The following MYH9 variants were observed in gnomAD, a reference collection of about 807,000 sequenced individuals.
The protein encoded by MYH9 is myosin-9.
MYH9 carries 29 observed loss-of-function variants against 241.9 expected under a neutral mutation model. The ratio of observed to expected loss-of-function variants is 0.12; its 90% CI spans 0.09 to 0.16. The LOEUF (loss-of-function observed/expected upper bound fraction) is 0.16, where lower values mean the gene tolerates loss of function less well. MYH9 is among the 10% of genes least tolerant of loss of function. MYH9 has a pLI of 1.00. For synonymous variants in MYH9, 1,047 were observed against 1,062.6 expected (o/e 0.99, Z 0.29); for missense variants, 1,803 against 2,595.5 (o/e 0.69, Z 6.63).
intron 27 of MYH9, 23 bp downstream of exon 27, chr22:36,294,909 G>A (rs1277503727): frequency 1.2e-6 from 2 of 1,609,424 alleles, no homozygotes; most frequent in Admixed American, 3.3e-5. Flanking sequence ...CCCTCCCCCT[G>A]CGGTCTCAGG....
In MYH9 at chr22:36,332,025, C is replaced by T. The variant is rs1198375942; in HGVS notation, c.491-4537G>A. Among the ~76,000 whole-genome samples, 9 of 152,274 alleles carry T rather than the reference C, an allele frequency of 5.9e-5. No individual in the cohort carries two copies. In the East Asian group the frequency reaches 1.7e-3, roughly 29 times the overall value. On this transcript the variant is annotated intron_variant, in intron 3 of 40. Coordinates refer to ENST00000216181, the MANE Select transcript of MYH9 (RefSeq NM_002473.6). ...TTGCTATATGTGTTGGCACTGTGAG[C>T]CCTGCCCTGCGTTGCCAGGATGGCT... is the stretch of plus-strand genomic sequence containing the variant.
In MYH9 at chr22:36,284,124, G is replaced by A; in HGVS notation, c.5734C>T (p.Arg1912Cys). 6.2e-7 allele frequency: 1 copy of A among 1,614,196 alleles called. No individual in the cohort carries two copies. The highest frequency in any genetic ancestry group is 8.5e-7 in the Non-Finnish European group (1 of 1,180,024). The change falls in exon 40 of 41, where the codon CGC becomes TGC. Residue 1912 changes from arginine to cysteine, a missense_variant. By Grantham distance (180) the Arg-to-Cys change is radical. Transcript: ENST00000216181. ...DATETADAMN[R>C]EVSSLKNKLR... is the part of the protein sequence containing the mutation. ...TTGTTCTTTAGGGAGCTGACTTCGC[G>A]GTTCATGGCATCGGCCGTCTCAGTG...
At chr22:36,282,826 C>G in intron 40 of MYH9, 41 bp from the exon 41 acceptor site, 3 of 1,561,418 alleles carry the variant, frequency 1.9e-6, no homozygotes, top group Non-Finnish European at 1.7e-6. Context: ...CGGGCCCGGC[C>G]AGGCCAGGGG....
At position 36,286,808 on chromosome 22, in the gene MYH9, G is replaced by A; in HGVS notation, c.4971C>T (p.Thr1657=). The change falls in exon 35 of 41, where the codon ACC becomes ACT. Residue 1657 remains threonine, a synonymous_variant. Coordinates refer to ENST00000216181, the MANE Select transcript of MYH9 (RefSeq NM_002473.6). ...MKDCMRELDD[T]RASREEILAQ... ...CCAGGATCTCCTCACGAGAGGCGCG[G>A]GTGTCATCCAGCTCGCGCATGCAGT... The A allele has an allele frequency of 6.2e-7, 1 of 1,611,696 alleles. No individual in the cohort carries two copies. The highest frequency in any genetic ancestry group is 2.2e-5 in the East Asian group (1 of 44,882).
Position 36,293,543 on chromosome 22 carries a change from C to A in MYH9, c.3943-62G>T. The A allele has an allele frequency of 1.3e-6, 2 of 1,599,790 alleles. No homozygotes were observed. The highest frequency in any genetic ancestry group is 1.7e-6 in the Non-Finnish European group (2 of 1,174,318). On this transcript the variant is annotated intron_variant, in intron 29 of 40. Transcript: ENST00000216181. This position sits in a 1 kb window ranked among gnomAD's most constrained non-coding sequence, Gnocchi z 5.1. ...GGGTGGTGTCCAAAACCCAGGAACC[C>A]CACACCCTTGAGGAGAGGGAGGAGC...
chr22:36,367,615 C>T (rs567134995), intron 1 of MYH9, among the ~76,000 whole-genome samples: 90 of 152,346 alleles, frequency 5.9e-4, no homozygotes, highest in Non-Finnish European at 1.1e-3. Flanking sequence ...TGGCCAACCC[C>T]AGTGTCCTTG....
intron 3 of MYH9, among the ~76,000 whole-genome samples, chr22:36,332,105 A>G (rs754051449): frequency 6.6e-6 from 1 of 151,798 alleles, no homozygotes; most frequent in Non-Finnish European, 1.5e-5. Context: ...AACCTCACGC[A>G]CCCCAGGACT....
Position 36,282,753 on chromosome 22 carries a change from C to A in MYH9, c.5798G>T (p.Arg1933Leu). 6.2e-7 allele frequency: 1 copy of A among 1,613,120 alleles called. No homozygotes were observed. The highest frequency in any genetic ancestry group is 8.5e-7 in the Non-Finnish European group (1 of 1,179,964). The change falls in exon 41 of 41, where the codon CGA becomes CTA. Residue 1933 changes from arginine (R) to leucine (L), a missense_variant. Physicochemically the swap from Arg to Leu is moderately radical, Grantham distance 102. Transcript: ENST00000216181. ...ATCCCCGGCGCCTTTCCGGGCCATT[C>A]GGCGGGGCACGACAAACGGCAGGTC... ...RGDLPFVVPRRMARKGAGDGS... is the reference protein window; with the variant it reads ...RGDLPFVVPRLMARKGAGDGS...
Position 36,295,057 on chromosome 22 carries a change from C to T in MYH9, c.3505G>A (p.Val1169Met). ...QELRSKREQE[V>M]NILKKTLEEE... ...TCCAGGGTCTTCTTCAGGATGTTCA[C>T]CTCCTGCTCACGTTTTGACCTGGAC... is the stretch of plus-strand genomic sequence containing the variant. Residue 1169 changes from valine (V) to methionine (M), a missense_variant, in exon 27 of 41, where the codon GTG (valine) becomes ATG (methionine). Physicochemically the swap from Val to Met is conservative, Grantham distance 21. Around this residue, in one of 11 missense-constraint regions of MYH9, gnomAD observed 876 missense variants for 1,077.8 expected, o/e 0.81. Coordinates refer to ENST00000216181, the MANE Select transcript of MYH9 (RefSeq NM_002473.6). The surrounding 1 kb of genome is among the most constrained non-coding windows in gnomAD (Gnocchi z 4.1). 1.2e-6 allele frequency: 2 copies of T among 1,614,174 alleles called. No homozygotes were observed. The highest frequency in any genetic ancestry group is 2.2e-5 in the East Asian group (1 of 44,872).
At chr22:36,303,390 G>T (rs2016915857) in intron 19 of MYH9, among the ~76,000 whole-genome samples, 1 of 151,700 alleles carries the variant, frequency 6.6e-6, no homozygotes, top group Non-Finnish European at 1.5e-5. Context: ...TCCCCACAAG[G>T]GTCACACGGT....
chr22:36,385,695 G>A lies in MYH9; in HGVS notation c.-20+2112C>T, dbSNP rs144192293. Among the ~76,000 whole-genome samples, 19 of 152,286 alleles carry A rather than the reference G, an allele frequency of 1.2e-4. No individual in the cohort carries two copies. In the East Asian group the frequency reaches 2.3e-3, roughly 19 times the overall value. On this transcript the variant is annotated intron_variant, in intron 1 of 40. Transcript: ENST00000216181. ...GAGCTCCCCAGAGCCTGCCAATGCC[G>A]GCTCTCCAGACACCTGGCTCTGCCC...
chr22:36,331,737 C>T (rs1457157805), intron 3 of MYH9, among the ~76,000 whole-genome samples: 3 of 152,238 alleles, frequency 2.0e-5, no homozygotes, highest in Admixed American at 6.5e-5. Context: ...TCACACCTCC[C>T]GAGGTTCCAG....
At chr22:36,315,574 C>T (rs1402614326) in intron 12 of MYH9, among the ~76,000 whole-genome samples, 2 of 152,026 alleles carry the variant, frequency 1.3e-5, no homozygotes, top group South Asian at 4.1e-4. Context: ...ATGGCAAAAC[C>T]CCATCCGTAC....
rs561901816 is a variant in MYH9 at position 36,374,753 on chromosome 22, C to A, written c.-20+13054G>T. 4.6e-5 allele frequency among the ~76,000 whole-genome samples: 7 copies of A among 152,170 alleles called. No homozygotes were observed. In the South Asian group the frequency reaches 1.4e-3, roughly 31 times the overall value. On this transcript the variant is annotated intron_variant, in intron 1 of 40. Coordinates refer to ENST00000216181, the MANE Select transcript of MYH9 (RefSeq NM_002473.6). ...GGCAAGGAAACAAGCCTTCACGGGC[C>A]GTCTTGGCCTATGCAGAGGCTGGGT...
intron 18 of MYH9, 132 bp downstream of exon 18, chr22:36,304,901 G>A (rs968364684): frequency 2.5e-5 from 23 of 906,692 alleles, no homozygotes; most frequent in South Asian, 1.2e-4. Flanking sequence ...AGAGTCAGAC[G>A]CGGAGCATCA....
At chr22:36,299,371 G>A (rs2016838663) in intron 23 of MYH9, among the ~76,000 whole-genome samples, 1 of 152,190 alleles carries the variant, frequency 6.6e-6, no homozygotes, top group Non-Finnish European at 1.5e-5. Flanking sequence ...CTGCCACACG[G>A]CGCTCACCTG....
At chr22:36,332,684 A>AC (rs2017443049) in intron 3 of MYH9, among the ~76,000 whole-genome samples, 2 of 151,132 alleles carry the variant, frequency 1.3e-5, no homozygotes, top group African/African-American at 4.9e-5. Context: ...AAAAAAAAAA[A>AC]AAAAAACCTC....
intron 1 of MYH9, among the ~76,000 whole-genome samples, chr22:36,354,343 T>C (rs948750355): frequency 1.3e-5 from 2 of 152,036 alleles, no homozygotes; most frequent in African/African-American, 4.8e-5. Context: ...AAGGCCTCAC[T>C]GTCCAACATT....
At chr22:36,316,938 C>G (rs1361488106) in intron 11 of MYH9, among the ~76,000 whole-genome samples, 1 of 152,058 alleles carries the variant, frequency 6.6e-6, no homozygotes, top group Non-Finnish European at 1.5e-5. Flanking sequence ...AAAGGATTTA[C>G]AGAAAAAGTG....
Sources: allele counts gnomAD v4.1 joint callset (sites outside exome capture counted in the v4.1 genomes callset), GRCh38; gene constraint gnomAD v4.1.1; regional missense constraint gnomAD v4.1.1; non-coding constraint Gnocchi (gnomAD v3.1); transcripts MANE v1.5; gene names NCBI Gene and HGNC (gene_info 2026-07-23, HGNC 2026-07-21).